Variants in TRIO observed in about 807,000 individuals in gnomAD.
TRIO encodes the protein triple functional domain protein.
TRIO carries 58 observed loss-of-function variants against 351.9 expected under a neutral mutation model. The ratio of observed to expected loss-of-function variants is 0.16; its 90% CI spans 0.13 to 0.21. The LOEUF (loss-of-function observed/expected upper bound fraction) is 0.21. Ranked by LOEUF, TRIO falls within the 10% of genes least tolerant of loss-of-function variation. The pLI is 1.00. For synonymous variants in TRIO, 1,758 were observed against 1,595.7 expected (o/e 1.10, Z -2.42); for missense variants, 3,201 against 4,027.8 (o/e 0.79, Z 5.56).
intron 34 of TRIO, among the ~76,000 whole-genome samples, chr5:14,442,346 A>AG (rs1354258144): frequency 6.6e-6 from 1 of 152,138 alleles, no homozygotes; most frequent in Non-Finnish European, 1.5e-5. Context: ...TCTATGGAGA[A>AG]GGGTCTTTCG....
intron 34 of TRIO, among the ~76,000 whole-genome samples, chr5:14,442,584 T>C (rs1233382470): frequency 1.3e-5 from 2 of 152,226 alleles, no homozygotes; most frequent in Admixed American, 1.3e-4. Flanking sequence ...TTAAAAAGTC[T>C]TTGACCCTGG....
intron 38 of TRIO, 121 bp downstream of exon 38, chr5:14,471,587 A>T: frequency 7.6e-7 from 1 of 1,324,202 alleles, no homozygotes; most frequent in Non-Finnish European, 1.0e-6. Context: ...AGGGCCTCTC[A>T]TTAAGTAACT....
chr5:14,204,878 TA>T (rs1464552955), intron 1 of TRIO, among the ~76,000 whole-genome samples: 6 of 152,206 alleles, frequency 3.9e-5, no homozygotes. Flanking sequence ...AGTGATTTAA[TA>T]TTTGTAAAGA....
rs1054989069 is a variant in TRIO at position 14,487,895 on chromosome 5, G to T, written c.7267G>T (p.Ala2423Ser). The T allele has an allele frequency of 1.3e-6, 2 of 1,539,760 alleles. No homozygotes were observed. The highest frequency in any genetic ancestry group is 2.8e-5 in the African/African-American group (2 of 71,782). The part of the protein sequence containing the change: ...KVLESPRKGA[A>S]NASGSSPDAP... ...GCTGGAGAGCCCCAGGAAAGGCGCC[G>T]CGAACGCCTCGGGGTCGAGCCCAGA... Residue 2423 changes from alanine (A) to serine (S), a missense_variant, in exon 48 of 57, where the codon GCG becomes TCG. Coordinates refer to ENST00000344204, the MANE Select transcript of TRIO (RefSeq NM_007118.4).
chr5:14,458,404 G>A (rs559353095), intron 34 of TRIO, among the ~76,000 whole-genome samples: 16 of 152,150 alleles, frequency 1.1e-4, no homozygotes, highest in Non-Finnish European at 1.9e-4. Flanking sequence ...TAGGTTACCT[G>A]TGCCCACCTC....
intron 10 of TRIO, among the ~76,000 whole-genome samples, chr5:14,331,725 G>C (rs538484737): frequency 6.6e-6 from 1 of 152,220 alleles, no homozygotes; most frequent in Admixed American, 6.5e-5. Flanking sequence ...GTCACCTCAG[G>C]AAGCACTTGG....
At chr5:14,501,958 C>G (rs1256705236) in intron 53 of TRIO, among the ~76,000 whole-genome samples, 5 of 152,236 alleles carry the variant, frequency 3.3e-5, no homozygotes, top group African/African-American at 1.2e-4. Flanking sequence ...TGAAAGGATG[C>G]TTTCTGTTCC....
intron 10 of TRIO, among the ~76,000 whole-genome samples, chr5:14,335,712 C>T (rs1034649481): frequency 1.3e-5 from 2 of 152,188 alleles, no homozygotes; most frequent in Non-Finnish European, 2.9e-5. Flanking sequence ...TGCCTGTAAT[C>T]CTGGTACTTT....
At chr5:14,437,349 A>G (rs1214125291) in intron 34 of TRIO, among the ~76,000 whole-genome samples, 3 of 152,140 alleles carry the variant, frequency 2.0e-5, no homozygotes, top group African/African-American at 4.8e-5. Flanking sequence ...AAGTTAGGTT[A>G]GTTGTTTTCT....
chr5:14,481,401 GTC>G lies in TRIO; in HGVS notation c.6387+122_6387+123del, dbSNP rs1755502797. On this transcript the variant is annotated intron_variant, in intron 44 of 56. Coordinates refer to ENST00000344204, the MANE Select transcript of TRIO (RefSeq NM_007118.4). ...GGGGGTCAAAGCAGTGGATGACAGA[GTC>G]TCTCCAGTGCATCTCCATAAGCCCT... 3.7e-5 allele frequency: 54 copies of G among 1,472,948 alleles called. 1 individual carries two copies. In the East Asian group the frequency reaches 1.2e-3, roughly 33 times the overall value. The allele number at this position is 1,472,948 out of a possible 1,614,324, so 91.2% of individuals were successfully genotyped here. A position where few individuals can be genotyped will look rare whatever the true frequency, so the allele number is the denominator to read the frequency against.
chr5:14,359,332 CCTGTTCCT>C lies in TRIO; in HGVS notation c.2217-20_2217-13del, dbSNP rs1307210698. The C allele has an allele frequency of 1.3e-6, 2 of 1,596,788 alleles. No homozygotes were observed. Among genetic ancestry groups the C allele is most frequent in the African/African-American group, 1.3e-5 (1 of 74,598 alleles). On this transcript the variant is annotated splice_polypyrimidine_tract_variant and intron_variant, in intron 12 of 56. Coordinates refer to ENST00000344204, the MANE Select transcript of TRIO (RefSeq NM_007118.4). ...CAATGTGTGACTTTCTCATCCAATT[CCTGTTCCT>C]CTGTGTGCTCTCGCAGGGACTCTGC...
In TRIO at chr5:14,264,780, G is replaced by C. The variant is rs557495236; in HGVS notation, c.158-6045G>C. Among the ~76,000 whole-genome samples the C allele has an allele frequency of 1.7e-3, 263 of 152,358 alleles. 5 individuals carry two copies. Among genetic ancestry groups the C allele is most frequent in the African/African-American group, 5.8e-3 (241 of 41,598 alleles). On this transcript the variant is annotated intron_variant, in intron 1 of 56. Coordinates refer to ENST00000344204, the MANE Select transcript of TRIO (RefSeq NM_007118.4). ...AGTATAATCCTGCGGGCTCCGCAGAGAAGTGGCCGGCCCGGAGAGGGTGAC... is the reference window on the plus strand; with the variant it reads ...AGTATAATCCTGCGGGCTCCGCAGACAAGTGGCCGGCCCGGAGAGGGTGAC...
chr5:14,367,120 G>A lies in TRIO; in HGVS notation c.2874+141G>A, dbSNP rs1006830936. On this transcript the variant is annotated intron_variant, in intron 16 of 56. Transcript: ENST00000344204. ...GACTCAGAGGACCCAAATTGGCAAC[G>A]CTTCTAAGTCTGCAGCTGATTACAG... 4 of 1,197,600 alleles carry A rather than the reference G, an allele frequency of 3.3e-6. No individual in the cohort carries two copies. In the East Asian group the frequency reaches 1.0e-4, roughly 31 times the overall value. 74.2% of individuals were successfully genotyped at this position (1,197,600 alleles called of 1,614,324 possible). A position where few individuals can be genotyped will look rare whatever the true frequency, so the allele number is the denominator to read the frequency against.
At chr5:14,502,486 G>A (rs535536254) in intron 53 of TRIO, 93 bp from the exon 54 acceptor site, 34 of 1,294,974 alleles carry the variant, frequency 2.6e-5, no homozygotes, top group African/African-American at 4.4e-5. Flanking sequence ...GTGGCCACGC[G>A]CAGCTGCTGT....
intron 45 of TRIO, 35 bp downstream of exon 45, chr5:14,481,653 T>C (rs1436798082): frequency 6.2e-7 from 1 of 1,602,856 alleles, no homozygotes; most frequent in Non-Finnish European, 8.5e-7. Context: ...AGAGCTCCTC[T>C]GCCTTCATCT....
intron 1 of TRIO, among the ~76,000 whole-genome samples, chr5:14,145,759 T>G (rs975230691): frequency 1.3e-5 from 2 of 152,162 alleles, no homozygotes; most frequent in African/African-American, 4.8e-5. Context: ...AAAAATCACT[T>G]CTGCTGCTGC....
intron 1 of TRIO, among the ~76,000 whole-genome samples, chr5:14,224,871 T>C (rs1240754657): frequency 6.6e-6 from 1 of 151,854 alleles, no homozygotes; most frequent in Admixed American, 6.6e-5. Flanking sequence ...GGTTAAGATA[T>C]GTGACATTAT....
At chr5:14,144,220 C>T (rs1366241506) in intron 1 of TRIO, among the ~76,000 whole-genome samples, 3 of 152,168 alleles carry the variant, frequency 2.0e-5, no homozygotes, top group African/African-American at 4.8e-5. Context: ...CTCTTTGTCT[C>T]TTTCGCTGGA....
chr5:14,492,535 G>T (rs1431421152), intron 48 of TRIO, 32 bp from the exon 49 acceptor site: 4 of 1,608,500 alleles, frequency 2.5e-6, no homozygotes, highest in Non-Finnish European at 2.6e-6. Context: ...GTTCCTCCCT[G>T]CCTTTCTCTG....
Sources: allele counts gnomAD v4.1 joint callset (sites outside exome capture counted in the v4.1 genomes callset), GRCh38; gene constraint gnomAD v4.1.1; transcripts MANE v1.5; gene names NCBI Gene and HGNC (gene_info 2026-07-23, HGNC 2026-07-21).